CACNA2D4: variants seen among roughly 807,000 people sequenced by gnomAD.
CACNA2D4 encodes calcium voltage-gated channel auxiliary subunit alpha2delta 4, also known as voltage-dependent calcium channel subunit alpha-2/delta-4.
CACNA2D4 carries 157 observed loss-of-function variants against 163.8 expected under a neutral mutation model. The observed-to-expected ratio is 0.96, with a 90% CI of 0.84 to 1.09. The LOEUF (loss-of-function observed/expected upper bound fraction) is 1.09, where lower values mean the gene tolerates loss of function less well. Among genes scored for constraint, CACNA2D4 ranks in the 50% least tolerant of loss-of-function variants. The pLI, the probability that CACNA2D4 is intolerant of heterozygous loss-of-function variation, is 0.00. For synonymous variants in CACNA2D4, 598 were observed against 586.9 expected (o/e 1.02, Z -0.27); for missense variants, 1,410 against 1,479.9 (o/e 0.95, Z 0.78).
chr12:1,886,505 G>T, intron 7 of CACNA2D4, 132 bp from the exon 8 acceptor site: 1 of 788,070 alleles, frequency 1.3e-6, no homozygotes, highest in Non-Finnish European at 2.0e-6. Context: ...ACCCATCTAT[G>T]CCAGGTTTCA....
At chr12:1,818,096 GC>G (rs1863943679) in intron 26 of CACNA2D4, among the ~76,000 whole-genome samples, 1 of 147,530 alleles carries the variant, frequency 6.8e-6, no homozygotes, top group African/African-American at 2.6e-5. Flanking sequence ...CTGCCCCACC[GC>G]CCCGTCTGGG....
rs1865718975 is a variant in CACNA2D4, at chr12:1,869,232, C to T, written c.1878+5372G>A. Among the ~76,000 whole-genome samples, 1 of 152,164 alleles carries T rather than the reference C, an allele frequency of 6.6e-6. No individual in the cohort carries two copies. Among genetic ancestry groups the T allele is most frequent in the Non-Finnish European group, 1.5e-5 (1 of 68,030 alleles). On this transcript the variant is annotated intron_variant, in intron 18 of 37. Coordinates refer to ENST00000382722, the MANE Select transcript of CACNA2D4 (RefSeq NM_172364.5). This position sits in a 1 kb window ranked among gnomAD's most constrained non-coding sequence, Gnocchi z 4.7. ...AGTGTGGTTTCGAGTCAGGGTCAGCCAAAGAGAAGTGTGTGTGAGATTTGC... is the reference window on the plus strand; with the variant it reads ...AGTGTGGTTTCGAGTCAGGGTCAGCTAAAGAGAAGTGTGTGTGAGATTTGC...
intron 26 of CACNA2D4, among the ~76,000 whole-genome samples, chr12:1,812,808 G>A (rs17800972): frequency 0.12 from 18,932 of 152,174 alleles, 1,482 homozygotes; most frequent in South Asian, 0.25. Context: ...GGGAAGGAGC[G>A]GCGGGCACAG....
intron 13 of CACNA2D4, among the ~76,000 whole-genome samples, chr12:1,881,508 A>G (rs925546482): frequency 2.0e-5 from 3 of 152,234 alleles, no homozygotes; most frequent in Non-Finnish European, 4.4e-5. Context: ...GGAGGCCCAC[A>G]CGGAGCACCG....
intron 29 of CACNA2D4, among the ~76,000 whole-genome samples, chr12:1,804,741 C>G (rs1358105771): frequency 6.6e-6 from 1 of 152,262 alleles, no homozygotes; most frequent in African/African-American, 2.4e-5. Context: ...CTGCCTCTTC[C>G]CCATCCTCGC....
At chr12:1,907,595 T>C (rs753681237) in intron 5 of CACNA2D4, 24 bp from the exon 6 acceptor site, 3 of 1,605,814 alleles carry the variant, frequency 1.9e-6, no homozygotes, top group African/African-American at 1.3e-5. Flanking sequence ...CTATAGATTA[T>C]GATCCTGTAG....
intron 22 of CACNA2D4, among the ~76,000 whole-genome samples, 175 bp from the exon 23 acceptor site, chr12:1,854,219 C>G (rs1485076226): frequency 6.6e-6 from 1 of 152,176 alleles, no homozygotes; most frequent in Non-Finnish European, 1.5e-5. Context: ...TTCACTTTCT[C>G]AACTCCAAAA....
chr12:1,800,436 T>C lies in CACNA2D4; in HGVS notation c.2871A>G (p.Pro957=). 6.2e-7 allele frequency: 1 copy of C among 1,613,532 alleles called. No individual in the cohort carries two copies. Among genetic ancestry groups the C allele is most frequent in the South Asian group, 1.1e-5 (1 of 91,056 alleles). Reference sequence around the variant, plus strand: ...TGGTCGCCGTCAAGAAGGCAGAAATTGGCTGGGAAGGAGAGAGTGCACACC... The same window carrying C: ...TGGTCGCCGTCAAGAAGGCAGAAATCGGCTGGGAAGGAGAGAGTGCACACC... The part of the protein sequence containing the change: ...HHSAAQPLVS[P]ISAFLTATRW... Residue 957 remains proline (P), a splice_region_variant and synonymous_variant, in exon 32 of 38, where the codon CCA becomes CCG. Transcript: ENST00000382722.
intron 29 of CACNA2D4, among the ~76,000 whole-genome samples, chr12:1,805,755 G>A (rs1220273202): frequency 1.3e-5 from 2 of 152,244 alleles, no homozygotes; most frequent in Non-Finnish European, 2.9e-5. Flanking sequence ...TGGGACGCCA[G>A]GAAGGTAGAA....
chr12:1,856,562 A>C (rs542025843), intron 20 of CACNA2D4, among the ~76,000 whole-genome samples: 1 of 152,282 alleles, frequency 6.6e-6, no homozygotes, highest in East Asian at 1.9e-4. Flanking sequence ...GATTTGGGTT[A>C]TTATGGGCAT....
At chr12:1,887,525 T>C (rs966958991) in intron 6 of CACNA2D4, among the ~76,000 whole-genome samples, 14 of 152,336 alleles carry the variant, frequency 9.2e-5, no homozygotes, top group African/African-American at 2.6e-4. Flanking sequence ...GGAGAAATGA[T>C]TTGGCTCTAT....
At chr12:1,824,672 C>T (rs1014621450) in intron 26 of CACNA2D4, among the ~76,000 whole-genome samples, 1 of 152,232 alleles carries the variant, frequency 6.6e-6, no homozygotes, top group Non-Finnish European at 1.5e-5. Context: ...TTCATTTCAG[C>T]AGCTGTCAGT....
intron 6 of CACNA2D4, among the ~76,000 whole-genome samples, chr12:1,890,058 C>T (rs972643485): frequency 1.1e-4 from 16 of 152,142 alleles, no homozygotes; most frequent in Admixed American, 3.9e-4. Flanking sequence ...CTCCAGGTTG[C>T]TCAATGCAAT....
At chr12:1,846,099 G>C (rs1346225361) in intron 24 of CACNA2D4, among the ~76,000 whole-genome samples, 1 of 152,028 alleles carries the variant, frequency 6.6e-6, no homozygotes, top group Non-Finnish European at 1.5e-5. Flanking sequence ...GGCACTGCGG[G>C]GTGAGCACTC....
rs886944 is a variant in CACNA2D4 at position 1,828,620 on chromosome 12, G to T, written c.2551+12119C>A. ...CTGCGGCGAGCCCTTTTGCTCCCGT[G>T]GGGAACTGCCCCCTTGGCTGGCCTC... On this transcript the variant is annotated intron_variant, in intron 26 of 37. Transcript: ENST00000382722. This position sits in a 1 kb window ranked among gnomAD's most constrained non-coding sequence, Gnocchi z 4.2. Among the ~76,000 whole-genome samples the T allele has an allele frequency of 3.9e-5, 6 of 152,172 alleles. No individual in the cohort carries two copies. The highest frequency in any genetic ancestry group is 1.2e-4 in the African/African-American group (5 of 41,430).
At chr12:1,876,219 T>G (rs974743724) in intron 16 of CACNA2D4, among the ~76,000 whole-genome samples, 4 of 152,218 alleles carry the variant, frequency 2.6e-5, no homozygotes, top group African/African-American at 9.6e-5. Context: ...AGCCATACCT[T>G]CCAGACTTTA....
Position 1,834,370 on chromosome 12 carries a change from G to C in CACNA2D4, c.2551+6369C>G. ...TGTTCAACTACTGCTCCCAGCTGGA[G>C]GACGAGAATAGCTCAGCTGGGCTGG... On this transcript the variant is annotated intron_variant, in intron 26 of 37. Coordinates refer to ENST00000382722, the MANE Select transcript of CACNA2D4 (RefSeq NM_172364.5). The surrounding 1 kb of genome is among the most constrained non-coding windows in gnomAD (Gnocchi z 7.6). 6.2e-7 allele frequency: 1 copy of C among 1,613,196 alleles called. No homozygotes were observed. Among genetic ancestry groups the C allele is most frequent in the Non-Finnish European group, 8.5e-7 (1 of 1,180,006 alleles).
rs1864734604 is a variant in CACNA2D4 at position 1,833,808 on chromosome 12, T to C, written c.2551+6931A>G. ...AACCCTAGAAGGATAAGATGCTGTG[T>C]TGAGAACGGTATCCTGGGCTCACAG... On this transcript the variant is annotated intron_variant, in intron 26 of 37. Transcript: ENST00000382722. The surrounding 1 kb of genome is among the most constrained non-coding windows in gnomAD (Gnocchi z 4.2). 6.6e-6 allele frequency among the ~76,000 whole-genome samples: 1 copy of C among 152,176 alleles called. No homozygotes were observed. Among genetic ancestry groups the C allele is most frequent in the Admixed American group, 6.5e-5 (1 of 15,280 alleles).
rs1172419978 is a variant in CACNA2D4, at chr12:1,828,012, C to G, written c.2551+12727G>C. 2.9e-6 allele frequency: 2 copies of G among 682,356 alleles called. No individual in the cohort carries two copies. Among genetic ancestry groups the G allele is most frequent in the Non-Finnish European group, 4.5e-6 (2 of 441,064 alleles). The allele number at this position is 682,356 out of a possible 1,614,324, so 42.3% of individuals were successfully genotyped here. On this transcript the variant is annotated intron_variant, in intron 26 of 37. Transcript: ENST00000382722. This position sits in a 1 kb window ranked among gnomAD's most constrained non-coding sequence, Gnocchi z 4.2. Reference sequence around the variant, plus strand: ...GTAAAGAGACACCCGGGCCCTCTCCCTAACCCCTGGGCTGGAACGGGGCTC... The same window carrying G: ...GTAAAGAGACACCCGGGCCCTCTCCGTAACCCCTGGGCTGGAACGGGGCTC...
Sources: gnomAD v4.1 joint callset for allele counts (sites outside exome capture counted in the v4.1 genomes callset) on GRCh38, gnomAD v4.1.1 for gene constraint, Gnocchi (gnomAD v3.1) non-coding constraint, MANE v1.5 for transcripts, NCBI Gene and HGNC (gene_info 2026-07-23, HGNC 2026-07-21) for gene names.